The following TPD52 variants were observed in gnomAD, a reference collection of about 807,000 sequenced individuals.
TPD52 encodes tumor protein D52, also known as prostate and colon associated protein.
A neutral mutation model predicts 31.3 loss-of-function variants in TPD52; 17 were observed. That is an observed-to-expected ratio of 0.54 (90% CI 0.37 to 0.82). The LOEUF (loss-of-function observed/expected upper bound fraction) is 0.82, where lower values mean the gene tolerates loss of function less well. Among genes scored for constraint, TPD52 ranks in the 40% least tolerant of loss-of-function variants. TPD52 has a pLI of 0.00. For synonymous variants in TPD52, 83 were observed against 89.6 expected, an observed-to-expected ratio of 0.93 and a Z score of 0.42; for missense variants, 212 against 240.1, an observed-to-expected ratio of 0.88 and a Z score of 0.77.
chr8:80,094,355 T>G (rs1453577789), intron 1 of TPD52, among the ~76,000 whole-genome samples: 1 of 147,188 alleles, frequency 6.8e-6, no homozygotes, highest in East Asian at 2.0e-4. Context: ...CTTACGCAGG[T>G]AGCTAGACTA....
chr8:80,071,198 C>T (rs778580051), intron 1 of TPD52, among the ~76,000 whole-genome samples: 98 of 152,144 alleles, frequency 6.4e-4, no homozygotes, highest in Non-Finnish European at 1.1e-3. Flanking sequence ...GGGTGATAAG[C>T]CACCCAGAAT....
At chr8:80,152,606 C>A (rs1481029250) in intron 1 of TPD52, among the ~76,000 whole-genome samples, 1 of 151,898 alleles carries the variant, frequency 6.6e-6, no homozygotes, top group Non-Finnish European at 1.5e-5. Context: ...CATGGTGAAA[C>A]CCCATCTCTA....
At chr8:80,103,849 A>G (rs113029288) in intron 1 of TPD52, among the ~76,000 whole-genome samples, 2,027 of 152,314 alleles carry the variant, frequency 0.013, 21 homozygotes, top group Middle Eastern at 0.02. Flanking sequence ...TCCACTAGGA[A>G]AGGTTCCACG....
At chr8:80,053,778 G>A (rs188278426) in intron 2 of TPD52, among the ~76,000 whole-genome samples, 1 of 152,074 alleles carries the variant, frequency 6.6e-6, no homozygotes, top group Non-Finnish European at 1.5e-5. Context: ...CCACTCTCCC[G>A]ACCTGTGGGT....
intron 1 of TPD52, among the ~76,000 whole-genome samples, chr8:80,154,748 C>CA (rs1187507600): frequency 1.6e-5 from 1 of 62,140 alleles, no homozygotes; most frequent in Admixed American, 1.7e-4. Flanking sequence ...CACACACACA[C>CA]ACACAAAACA....
At chr8:80,171,230 C>T (rs888254164) in intron 1 of TPD52, 195 bp downstream of exon 1, 21 of 733,952 alleles carry the variant, frequency 2.9e-5, no homozygotes, top group Non-Finnish European at 4.8e-5. Flanking sequence ...GTCCCATCTG[C>T]CCCCGCCAGA....
intron 1 of TPD52, 72 bp downstream of exon 1, chr8:80,171,353 G>A (rs2131300188): frequency 1.9e-6 from 3 of 1,576,618 alleles, no homozygotes; most frequent in South Asian, 2.2e-5. Flanking sequence ...GCTCAGCCCC[G>A]CGCCGAGCCA....
intron 1 of TPD52, among the ~76,000 whole-genome samples, chr8:80,138,116 T>C (rs1247005562): frequency 6.6e-6 from 1 of 152,064 alleles, no homozygotes; most frequent in Non-Finnish European, 1.5e-5. Flanking sequence ...GCTAATTTTG[T>C]ATTTTTTGTA....
intron 1 of TPD52, among the ~76,000 whole-genome samples, chr8:80,132,507 C>T (rs974699414): frequency 1.3e-5 from 2 of 152,090 alleles, no homozygotes; most frequent in Admixed American, 6.6e-5. Context: ...CATGCCAGGC[C>T]GAAAATCTAT....
At chr8:80,165,160 T>C (rs1811633412) in intron 1 of TPD52, among the ~76,000 whole-genome samples, 2 of 152,092 alleles carry the variant, frequency 1.3e-5, no homozygotes, top group South Asian at 4.1e-4. Flanking sequence ...GTAAGACTTA[T>C]ACTGAGAAAC....
intron 1 of TPD52, among the ~76,000 whole-genome samples, chr8:80,134,564 T>C (rs560225824): frequency 6.6e-6 from 1 of 152,354 alleles, no homozygotes; most frequent in Admixed American, 6.5e-5. Context: ...AAAAGGACCA[T>C]ATCTGTGCCC....
At chr8:80,157,858 T>C (rs1586416696) in intron 1 of TPD52, among the ~76,000 whole-genome samples, 2 of 152,210 alleles carry the variant, frequency 1.3e-5, no homozygotes, top group Admixed American at 1.3e-4. Context: ...CTTGAGCTTC[T>C]TGAAGGTCAA....
chr8:80,100,996 G>A (rs1461715744), intron 1 of TPD52, among the ~76,000 whole-genome samples: 6 of 152,152 alleles, frequency 3.9e-5, no homozygotes, highest in Admixed American at 1.3e-4. Flanking sequence ...ACATTTAACC[G>A]TTACATCATT....
chr8:80,149,805 A>G (rs1358563492), intron 1 of TPD52, among the ~76,000 whole-genome samples: 3 of 152,228 alleles, frequency 2.0e-5, no homozygotes, highest in African/African-American at 7.2e-5. Context: ...GATTTGGGGT[A>G]TCTGGCAGAA....
At chr8:80,125,723 TC>T (rs1808555476) in intron 1 of TPD52, among the ~76,000 whole-genome samples, 1 of 152,146 alleles carries the variant, frequency 6.6e-6, no homozygotes, top group Non-Finnish European at 1.5e-5. Flanking sequence ...AATTTTAAGG[TC>T]CTAAAGACTC....
chr8:80,052,729 G>T, intron 3 of TPD52: 1 of 1,234,190 alleles, frequency 8.1e-7, no homozygotes, highest in African/African-American at 1.5e-5. Context: ...TAGCATGTGT[G>T]GTCAAAAAGA....
chr8:80,038,839 CA>C (rs1364673504), intron 7 of TPD52, among the ~76,000 whole-genome samples: 2 of 152,202 alleles, frequency 1.3e-5, no homozygotes, highest in Non-Finnish European at 2.9e-5. Context: ...CTGAGTTGTT[CA>C]TGTGCACATT....
chr8:80,103,242 T>C (rs573865887), intron 1 of TPD52, among the ~76,000 whole-genome samples: 38 of 152,330 alleles, frequency 2.5e-4, no homozygotes, highest in African/African-American at 9.1e-4. Flanking sequence ...CTCTGTCACT[T>C]TAAATTCGTG....
chr8:80,054,404 GA>G (rs1389658353), intron 2 of TPD52, among the ~76,000 whole-genome samples: 2 of 152,130 alleles, frequency 1.3e-5, no homozygotes, highest in Non-Finnish European at 2.9e-5. Context: ...CTCTATTTCA[GA>G]AACAGGGAAA....
Sources: gnomAD v4.1 joint callset for allele counts (sites outside exome capture counted in the v4.1 genomes callset) on GRCh38, gnomAD v4.1.1 for gene constraint, MANE v1.5 for transcripts, NCBI Gene and HGNC (gene_info 2026-07-23, HGNC 2026-07-21) for gene names.